The following TAP1 variants were observed in gnomAD, a reference collection of about 807,000 sequenced individuals.
TAP1 encodes the protein transporter 1, ATP binding cassette subfamily B member.
TAP1 carries 56 observed loss-of-function variants against 79.3 expected under a neutral mutation model. The observed-to-expected ratio is 0.71, with a 90% CI of 0.57 to 0.88. The LOEUF is 0.88. Among genes scored for constraint, TAP1 ranks in the 40% least tolerant of loss-of-function variants. The pLI, the probability that TAP1 is intolerant of heterozygous loss-of-function variation, is 0.00. For missense variants in TAP1, 737 were observed against 936.3 expected (o/e 0.79, Z 2.78); for synonymous variants, 355 against 401.4 (o/e 0.88, Z 1.38).
rs1770736271 is a variant in TAP1, at chr6:32,850,881, A to C, written c.1050+63T>G. On this transcript the variant is annotated intron_variant, in intron 4 of 10. Transcript: ENST00000354258. This position sits in a 1 kb window ranked among gnomAD's most constrained non-coding sequence, Gnocchi z 5.5. Reference sequence around the variant, plus strand: ...CTGGACTGAAAGCAATGTGAGAGGAACTGAGTCTGCCAAGTCTGGGAGATG... The same window carrying C: ...CTGGACTGAAAGCAATGTGAGAGGACCTGAGTCTGCCAAGTCTGGGAGATG... 2 of 1,446,092 alleles carry C rather than the reference A, an allele frequency of 1.4e-6. No homozygotes were observed. The highest frequency in any genetic ancestry group is 2.8e-5 in the African/African-American group (2 of 71,354). The allele number at this position is 1,446,092 out of a possible 1,614,324, so 89.6% of individuals were successfully genotyped here. A position where few individuals can be genotyped will look rare whatever the true frequency, so the allele number is the denominator to read the frequency against.
rs1396910813 is a variant in TAP1 at position 32,851,140 on chromosome 6, A to G, written c.854T>C (p.Met285Thr). Residue 285 changes from methionine (M) to threonine (T), a missense_variant, in exon 4 of 11, where the codon ATG becomes ACG. Coordinates refer to ENST00000354258, the MANE Select transcript of TAP1 (RefSeq NM_000593.6). The surrounding 1 kb of genome is among the most constrained non-coding windows in gnomAD (Gnocchi z 4.8). ...GGACGTGTCCTCTGTTACCCGAGAC[A>G]TGATGTTACCTGCAGGGTTGGGGAG... ...FFQQNQTGNI[M>T]SRVTEDTSTL... 18 of 1,612,986 alleles carry G rather than the reference A, an allele frequency of 1.1e-5. No homozygotes were observed. The highest frequency in any genetic ancestry group is 1.4e-5 in the Non-Finnish European group (17 of 1,179,994).
intron 5 of TAP1, chr6:32,849,330 C>A: frequency 1.6e-6 from 1 of 636,956 alleles, no homozygotes; most frequent in South Asian, 1.9e-5. Flanking sequence ...CCACCATCAC[C>A]ACTATCACCT....
Position 32,847,866 on chromosome 6 carries a change from T to A in TAP1, c.1740+53A>T. The A allele has an allele frequency of 6.2e-7, 1 of 1,611,992 alleles. No individual in the cohort carries two copies. The highest frequency in any genetic ancestry group is 8.5e-7 in the Non-Finnish European group (1 of 1,178,958). On this transcript the variant is annotated intron_variant, in intron 8 of 10. Transcript: ENST00000354258. This position sits in a 1 kb window ranked among gnomAD's most constrained non-coding sequence, Gnocchi z 4.7. ...CCTCTTTCAGAGTGCTCAGTAAGAA[T>A]GCTCTTCGTATTTGATGCTCCCTGC...
intron 10 of TAP1, chr6:32,846,233 T>A (rs1164398464): frequency 4.7e-6 from 1 of 213,664 alleles, no homozygotes; most frequent in Non-Finnish European, 9.6e-6. Flanking sequence ...CATTTTGTCA[T>A]CTGTAGAATG....
In TAP1 at chr6:32,851,924, T is replaced by TGTGTGTGAGA. The variant is rs1554246364; in HGVS notation, c.844+184_844+185insTCTCACACAC. 0.011 allele frequency among the ~76,000 whole-genome samples: 1,644 copies of TGTGTGTGAGA among 147,396 alleles called. 37 individuals are homozygous for TGTGTGTGAGA. Among genetic ancestry groups the TGTGTGTGAGA allele is most frequent in the East Asian group, 0.062 (309 of 5,012 alleles). ...AAAAACAATTGTGTGTGTGTGTGTG[T>TGTGTGTGAGA]GAGAGAGAGAGAGAGAGAGACAGAG... is the stretch of plus-strand genomic sequence containing the variant. On this transcript the variant is annotated intron_variant, in intron 3 of 10. Transcript: ENST00000354258. This position sits in a 1 kb window ranked among gnomAD's most constrained non-coding sequence, Gnocchi z 4.8.
chr6:32,851,907 T>TTG lies in TAP1; in HGVS notation c.844+200_844+201dup, dbSNP rs141273059. On this transcript the variant is annotated intron_variant, in intron 3 of 10. Coordinates refer to ENST00000354258, the MANE Select transcript of TAP1 (RefSeq NM_000593.6). This position sits in a 1 kb window ranked among gnomAD's most constrained non-coding sequence, Gnocchi z 4.8. ...GGTATATCAAGAATGAGAAAAACAATTGTGTGTGTGTGTGTGTGAGAGAGA... is the reference window on the plus strand; with the variant it reads ...GGTATATCAAGAATGAGAAAAACAATTGTGTGTGTGTGTGTGTGTGAGAGAGA... Among the ~76,000 whole-genome samples the TTG allele has an allele frequency of 0.072, 9,961 of 138,986 alleles. 667 individuals are homozygous for TTG. Among genetic ancestry groups the TTG allele is most frequent in the African/African-American group, 0.18 (6,852 of 37,520 alleles). The allele number at this position is 138,986 out of a possible 152,430, so 91.2% of individuals were successfully genotyped here.
At chr6:32,848,901 AG>A (rs1362343303) in intron 6 of TAP1, 61 bp from the exon 7 acceptor site, 1 of 1,612,696 alleles carries the variant, frequency 6.2e-7, no homozygotes, top group African/African-American at 1.3e-5. Flanking sequence ...ATGTGAAGCA[AG>A]AAGGGTAAAG....
Position 32,850,579 on chromosome 6 carries a change from T to C in TAP1, c.1051-62A>G. 1.4e-6 allele frequency: 2 copies of C among 1,434,704 alleles called. No individual in the cohort carries two copies. The highest frequency in any genetic ancestry group is 1.1e-5 in the South Asian group (1 of 87,148). The allele number at this position is 1,434,704 out of a possible 1,614,324, so 88.9% of individuals were successfully genotyped here. A position where few individuals can be genotyped will look rare whatever the true frequency, so the allele number is the denominator to read the frequency against. ...GCAAACCATCAGGGACACTAATACC[T>C]GAGTTACCTATTTGGAAATTAAAGG... On this transcript the variant is annotated intron_variant, in intron 4 of 10. Transcript: ENST00000354258. This position sits in a 1 kb window ranked among gnomAD's most constrained non-coding sequence, Gnocchi z 5.5.
intron 7 of TAP1, 96 bp downstream of exon 7, chr6:32,848,556 T>C: frequency 1.5e-6 from 2 of 1,314,306 alleles, no homozygotes; most frequent in Non-Finnish European, 2.2e-6. Flanking sequence ...AGGGAGGATA[T>C]ATGCTTGGCA....
chr6:32,849,151 T>C (rs766581939), intron 5 of TAP1, 33 bp from the exon 6 acceptor site: 1 of 1,560,528 alleles, frequency 6.4e-7, no homozygotes. Flanking sequence ...GGGACTGAGG[T>C]AGAGAAATCT....
rs58261944 is a variant in TAP1, at chr6:32,851,830, A to G, written c.844+279T>C. Among the ~76,000 whole-genome samples the G allele has an allele frequency of 8.0e-3, 1,226 of 152,314 alleles. 12 individuals are homozygous for G. The highest frequency in any genetic ancestry group is 0.027 in the African/African-American group (1,124 of 41,552). On this transcript the variant is annotated intron_variant, in intron 3 of 10. Coordinates refer to ENST00000354258, the MANE Select transcript of TAP1 (RefSeq NM_000593.6). The surrounding 1 kb of genome is among the most constrained non-coding windows in gnomAD (Gnocchi z 4.8). ...GAATAGATTTATAAGAAAATGCTAG[A>G]TGAAAACTCTAGGTTTTTCTTAAGG...
At chr6:32,846,692 A>G (rs1449361863) in intron 10 of TAP1, among the ~76,000 whole-genome samples, 5 of 151,996 alleles carry the variant, frequency 3.3e-5, no homozygotes, top group African/African-American at 1.2e-4. Context: ...AGTGGTGTAC[A>G]CCTGTAGTCC....
Position 32,847,478 on chromosome 6 carries a change from A to G in TAP1, c.1903+35T>C. Reference sequence around the variant, plus strand: ...ACTACTGGGGTTTCAGCAAAGGTAAAGATGGCTGGGTGGTGAGATGAGTGG... The same window carrying G: ...ACTACTGGGGTTTCAGCAAAGGTAAGGATGGCTGGGTGGTGAGATGAGTGG... On this transcript the variant is annotated intron_variant, in intron 9 of 10. Transcript: ENST00000354258. This position sits in a 1 kb window ranked among gnomAD's most constrained non-coding sequence, Gnocchi z 4.7. 1 of 1,612,826 alleles carries G rather than the reference A, an allele frequency of 6.2e-7. No individual in the cohort carries two copies. Among genetic ancestry groups the G allele is most frequent in the South Asian group, 1.1e-5 (1 of 91,024 alleles).
chr6:32,848,850 G>T lies in TAP1; in HGVS notation c.1378-10C>A. 6.2e-7 allele frequency: 1 copy of T among 1,613,730 alleles called. No individual in the cohort carries two copies. Among genetic ancestry groups the T allele is most frequent in the Non-Finnish European group, 8.5e-7 (1 of 1,179,988 alleles). On this transcript the variant is annotated splice_polypyrimidine_tract_variant and intron_variant, in intron 6 of 10. Coordinates refer to ENST00000354258, the MANE Select transcript of TAP1 (RefSeq NM_000593.6). ...AGATGGAGAGCAGTACCTAGAGGGA[G>T]GTAAGAATAGTGAAAGTGAGGTAGT...
chr6:32,848,844 G>C lies in TAP1; in HGVS notation c.1378-4C>G, dbSNP rs746948561. Reference sequence around the variant, plus strand: ...TGGGGTAGATGGAGAGCAGTACCTAGAGGGAGGTAAGAATAGTGAAAGTGA... The same window carrying C: ...TGGGGTAGATGGAGAGCAGTACCTACAGGGAGGTAAGAATAGTGAAAGTGA... On this transcript the variant is annotated splice_polypyrimidine_tract_variant and splice_region_variant and intron_variant, in intron 6 of 10. Coordinates refer to ENST00000354258, the MANE Select transcript of TAP1 (RefSeq NM_000593.6). 3 of 1,613,778 alleles carry C rather than the reference G, an allele frequency of 1.9e-6. No individual in the cohort carries two copies. The highest frequency in any genetic ancestry group is 1.7e-4 in the Middle Eastern group (1 of 5,842).
At position 32,852,134 on chromosome 6, in the gene TAP1, C is replaced by T. The variant is rs555493390; in HGVS notation, c.819G>A (p.Thr273=). The change falls in exon 3 of 11, where the codon ACG becomes ACA. Residue 273 remains threonine (T), a synonymous_variant. Coordinates refer to ENST00000354258, the MANE Select transcript of TAP1 (RefSeq NM_000593.6). This position sits in a 1 kb window ranked among gnomAD's most constrained non-coding sequence, Gnocchi z 4.8. ...CTGTCTGGTTCTGTTGGAAAAACTC[C>T]GTCTCCTGGCGCAGGACAGCCCCAA... ...EVFGAVLRQE[T]EFFQQNQTGN... 145 of 1,612,940 alleles carry T rather than the reference C, an allele frequency of 9.0e-5. 2 individuals carry two copies. The South Asian group carries it at 1.6e-3, about 18-fold the overall frequency.
In TAP1 at chr6:32,851,022, T is replaced by G. The variant is rs1770748932; in HGVS notation, c.972A>C (p.Ser324=). The G allele has an allele frequency of 6.2e-7, 1 of 1,612,830 alleles. No homozygotes were observed. The highest frequency in any genetic ancestry group is 8.5e-7 in the Non-Finnish European group (1 of 1,179,982). The change falls in exon 4 of 11, where the codon TCA becomes TCC. Residue 324 remains serine, a synonymous_variant. Coordinates refer to ENST00000354258, the MANE Select transcript of TAP1 (RefSeq NM_000593.6). This position sits in a 1 kb window ranked among gnomAD's most constrained non-coding sequence, Gnocchi z 4.8. Reference sequence around the variant, plus strand: ...TCAGGGTGACCATGGTGAGGGACACTGATCCCCAGAGCATGATCCCCAAGA... The same window carrying G: ...TCAGGGTGACCATGGTGAGGGACACGGATCCCCAGAGCATGATCCCCAAGA... ...LCLLGIMLWG[S]VSLTMVTLIT...
In TAP1 at chr6:32,847,151, A is replaced by G; in HGVS notation, c.1957T>C (p.Leu653=). Residue 653 remains leucine (L), a synonymous_variant, in exon 10 of 11, where the codon TTG becomes CTG. Coordinates refer to ENST00000354258, the MANE Select transcript of TAP1 (RefSeq NM_000593.6). This position sits in a 1 kb window ranked among gnomAD's most constrained non-coding sequence, Gnocchi z 4.7. ...GGTTTCCGGATCAATGCTCGGGCCAACGCCACTGCCTGTCGCTGACCCCCT... is the reference window on the plus strand; with the variant it reads ...GGTTTCCGGATCAATGCTCGGGCCAGCGCCACTGCCTGTCGCTGACCCCCT... ...LSGGQRQAVA[L]ARALIRKPCV... 6.2e-7 allele frequency: 1 copy of G among 1,612,906 alleles called. No individual in the cohort carries two copies. The highest frequency in any genetic ancestry group is 8.5e-7 in the Non-Finnish European group (1 of 1,180,042).
chr6:32,846,470 T>G (rs1770409969), intron 10 of TAP1: 1 of 165,898 alleles, frequency 6.0e-6, no homozygotes, highest in Non-Finnish European at 1.3e-5. Flanking sequence ...AAAAATAATT[T>G]TTTTAAATAA....
Sources: allele counts gnomAD v4.1 joint callset (sites outside exome capture counted in the v4.1 genomes callset), GRCh38; gene constraint gnomAD v4.1.1; non-coding constraint Gnocchi (gnomAD v3.1); transcripts MANE v1.5; gene names NCBI Gene and HGNC (gene_info 2026-07-23, HGNC 2026-07-21).